DYM: variants seen among roughly 807,000 people sequenced by gnomAD.
The protein encoded by DYM is dyggve-Melchior-Clausen syndrome protein.
In DYM, 78 loss-of-function variants were observed where a neutral mutation model predicts 93.1. The ratio of observed to expected loss-of-function variants is 0.84; its 90% confidence interval spans 0.70 to 1.01. The LOEUF (loss-of-function observed/expected upper bound fraction) is 1.01, where lower values mean the gene tolerates loss of function less well. DYM is among the 50% of genes least tolerant of loss of function. The pLI is 0.00. For synonymous variants in DYM, 321 were observed against 319.7 expected, an observed-to-expected ratio of 1.00 and a Z score of -0.04; for missense variants, 789 against 845.0, an observed-to-expected ratio of 0.93 and a Z score of 0.82.
In DYM at chr18:49,037,137, G is replaced by C. The variant is rs1311818097; in HGVS notation, c.*6918C>G. On this transcript the variant is annotated 3_prime_UTR_variant, in exon 18 of 18. Transcript: ENST00000675505. ...GGCTGGTCTTGAACTCCTGACCTCA[G>C]GTGACTCCCAAAGTGCTGGGATTAC... 6.6e-6 allele frequency among the ~76,000 whole-genome samples: 1 copy of C among 152,066 alleles called. No individual in the cohort carries two copies. The highest frequency in any genetic ancestry group is 6.6e-5 in the Admixed American group (1 of 15,242).
chr18:49,263,565 C>T (rs2094523050), intron 11 of DYM, among the ~76,000 whole-genome samples: 1 of 151,574 alleles, frequency 6.6e-6, no homozygotes, highest in African/African-American at 2.4e-5. Flanking sequence ...CCTGTCTCTA[C>T]TAAAAATAAA....
chr18:49,391,721 T>C, intron 2 of DYM, 76 bp from the exon 3 acceptor site: 1 of 1,264,276 alleles, frequency 7.9e-7, no homozygotes, highest in Admixed American at 1.7e-5. Flanking sequence ...TAAAGAAATA[T>C]ATAAAGATAA....
intron 14 of DYM, among the ~76,000 whole-genome samples, chr18:49,170,295 T>C (rs1437982384): frequency 6.6e-6 from 1 of 152,138 alleles, no homozygotes; most frequent in African/African-American, 2.4e-5. Flanking sequence ...ATCTGTGCTC[T>C]TAACAAATCT....
chr18:49,204,860 GCTT>G (rs1960653119), intron 14 of DYM, among the ~76,000 whole-genome samples: 1 of 152,212 alleles, frequency 6.6e-6, no homozygotes, highest in African/African-American at 2.4e-5. Flanking sequence ...TGATTTCAAT[GCTT>G]CTGGGGGTAA....
intron 2 of DYM, among the ~76,000 whole-genome samples, chr18:49,428,555 T>C (rs2074519207): frequency 6.6e-6 from 1 of 152,140 alleles, no homozygotes. Flanking sequence ...CATGAAGGCA[T>C]GCAACCGTTA....
chr18:49,458,710 G>A lies in DYM; in HGVS notation c.-54+1688C>T, dbSNP rs570091876. On this transcript the variant is annotated intron_variant, in intron 1 of 17. Transcript: ENST00000675505. ...AAAAATTAGCCAGGCATGGTAGCAC[G>A]TGCCTGTAATCCCAGCTACTCAGGA... Among the ~76,000 whole-genome samples, 21 of 152,096 alleles carry A rather than the reference G, an allele frequency of 1.4e-4. No homozygotes were observed. The South Asian group carries it at 4.1e-3, about 30-fold the overall frequency.
chr18:49,267,545 G>C (rs540636395), intron 11 of DYM, among the ~76,000 whole-genome samples: 2 of 152,278 alleles, frequency 1.3e-5, no homozygotes, highest in Admixed American at 6.5e-5. Flanking sequence ...GGCTATTCAA[G>C]AGCAAGATGA....
chr18:49,244,034 G>T lies in DYM; in HGVS notation c.1460+12976C>A, dbSNP rs569647392. Among the ~76,000 whole-genome samples the T allele has an allele frequency of 3.3e-5, 5 of 152,128 alleles. No individual in the cohort carries two copies. In the East Asian group the frequency reaches 9.6e-4, roughly 29 times the overall value. ...TTTTTAAAAAAGTCATTAACAGGAG[G>T]AGTGTCACATTGAGTTCCTATAGTA... is the stretch of plus-strand genomic sequence containing the variant. On this transcript the variant is annotated intron_variant, in intron 13 of 17. Coordinates refer to ENST00000675505, the MANE Select transcript of DYM (RefSeq NM_001353214.3).
intron 13 of DYM, among the ~76,000 whole-genome samples, chr18:49,223,490 G>C (rs530326978): frequency 6.6e-6 from 1 of 152,174 alleles, no homozygotes; most frequent in African/African-American, 2.4e-5. Flanking sequence ...GATCCTGTAT[G>C]AATCCTGATT....
chr18:49,217,163 GATGAAATGA>G (rs2093104117), intron 13 of DYM, among the ~76,000 whole-genome samples: 1 of 152,200 alleles, frequency 6.6e-6, no homozygotes, highest in Admixed American at 6.5e-5. Flanking sequence ...AGTGATGCAA[GATGAAATGA>G]ATGAAATGAA....
chr18:49,326,796 A>G (rs2146708368), intron 8 of DYM, among the ~76,000 whole-genome samples: 1 of 152,304 alleles, frequency 6.6e-6, no homozygotes, highest in African/African-American at 2.4e-5. Flanking sequence ...TACAGAGGAA[A>G]ATATCCATTT....
chr18:49,079,744 C>A (rs1186019251), intron 17 of DYM, among the ~76,000 whole-genome samples: 1 of 151,778 alleles, frequency 6.6e-6, no homozygotes, highest in African/African-American at 2.4e-5. Flanking sequence ...TCAACAGGAT[C>A]CCAAGGCAGA....
intron 8 of DYM, among the ~76,000 whole-genome samples, chr18:49,294,462 T>C (rs1360555163): frequency 6.6e-6 from 1 of 152,216 alleles, no homozygotes; most frequent in East Asian, 1.9e-4. Flanking sequence ...GGAATGTTTT[T>C]CCATTTGTTC....
At chr18:49,323,874 A>C (rs1199400267) in intron 8 of DYM, among the ~76,000 whole-genome samples, 1 of 152,234 alleles carries the variant, frequency 6.6e-6, no homozygotes, top group South Asian at 2.1e-4. Context: ...ACGGATGGGC[A>C]TGATGGCTGA....
At chr18:49,048,827 C>A (rs907225727) in intron 17 of DYM, among the ~76,000 whole-genome samples, 4 of 152,212 alleles carry the variant, frequency 2.6e-5, no homozygotes, top group Non-Finnish European at 4.4e-5. Flanking sequence ...ATCCTTCCCA[C>A]CACCTGGTAC....
intron 2 of DYM, among the ~76,000 whole-genome samples, chr18:49,403,580 T>A (rs1001229326): frequency 6.6e-6 from 1 of 152,210 alleles, no homozygotes; most frequent in African/African-American, 2.4e-5. Flanking sequence ...CTAGGTTTTT[T>A]ATTTTTTTTA....
At chr18:49,346,622 G>A (rs903336053) in intron 6 of DYM, among the ~76,000 whole-genome samples, 1 of 152,032 alleles carries the variant, frequency 6.6e-6, no homozygotes, top group Non-Finnish European at 1.5e-5. Flanking sequence ...TTTTTAAAGG[G>A]TGAAAATTTT....
At position 49,210,370 on chromosome 18, in the gene DYM, T is replaced by C. The variant is rs138008262; in HGVS notation, c.1461-655A>G. Among the ~76,000 whole-genome samples, 7 of 152,316 alleles carry C rather than the reference T, an allele frequency of 4.6e-5. No homozygotes were observed. The East Asian group carries it at 1.3e-3, about 29-fold the overall frequency. On this transcript the variant is annotated intron_variant, in intron 13 of 17. Transcript: ENST00000675505. ...GGTACATCTAGACGATGGATTATTA[T>C]TTAGGGCTAAAAAAATGAGCTATGA...
chr18:49,106,128 C>T (rs1207609548), intron 16 of DYM, among the ~76,000 whole-genome samples: 1 of 152,174 alleles, frequency 6.6e-6, no homozygotes, highest in East Asian at 1.9e-4. Context: ...ATAGTTAGCT[C>T]TTCTTGTTGA....
Sources: gnomAD v4.1 joint callset for allele counts (sites outside exome capture counted in the v4.1 genomes callset) on GRCh38, gnomAD v4.1.1 for gene constraint, MANE v1.5 for transcripts, NCBI Gene and HGNC (gene_info 2026-07-23, HGNC 2026-07-21) for gene names.